Variants in CYFIP1 observed in about 807,000 individuals in gnomAD.
CYFIP1 encodes the protein cytoplasmic FMR1 interacting protein 1.
CYFIP1 carries 58 observed loss-of-function variants against 163.5 expected under a neutral mutation model. The observed-to-expected ratio is 0.35, with a 90% confidence interval of 0.29 to 0.44. The LOEUF is 0.44. Ranked by LOEUF, CYFIP1 falls within the 20% of genes least tolerant of loss-of-function variation. The probability of loss-of-function intolerance (pLI) is 1.00; values close to 1 mark genes in which losing one functional copy is unlikely to be tolerated. For missense variants in CYFIP1, 1,338 were observed against 1,653.8 expected (o/e 0.81, Z 3.31); for synonymous variants, 663 against 660.7 (o/e 1.00, Z -0.05).
At chr15:22,893,342 G>C (rs936711172) in intron 22 of CYFIP1, among the ~76,000 whole-genome samples, 11 of 152,286 alleles carry the variant, frequency 7.2e-5, no homozygotes, top group African/African-American at 1.9e-4. Flanking sequence ...CGGTGGTTCA[G>C]ATCACAAGTT....
intron 22 of CYFIP1, among the ~76,000 whole-genome samples, chr15:22,893,495 C>A (rs995191577): frequency 1.3e-5 from 2 of 152,178 alleles, no homozygotes; most frequent in Non-Finnish European, 2.9e-5. Context: ...CTCAGCTAAG[C>A]CTTTCAAATT....
intron 30 of CYFIP1, among the ~76,000 whole-genome samples, chr15:22,871,869 C>T (rs1485990943): frequency 6.6e-6 from 1 of 152,134 alleles, no homozygotes; most frequent in Non-Finnish European, 1.5e-5. Flanking sequence ...AGACACTGGC[C>T]CCATGAGACT....
chr15:22,870,968 G>A (rs1372172318), intron 30 of CYFIP1, among the ~76,000 whole-genome samples: 1 of 152,032 alleles, frequency 6.6e-6, no homozygotes. Context: ...CTATGCAGGT[G>A]GTAAGGGGGA....
intron 1 of CYFIP1, among the ~76,000 whole-genome samples, chr15:22,972,941 G>C (rs915037957): frequency 6.6e-6 from 1 of 152,074 alleles, no homozygotes; most frequent in Non-Finnish European, 1.5e-5. Context: ...TTTGAGACTA[G>C]CCTGGCCAAC....
rs115092282 is a variant in CYFIP1, at chr15:22,924,878, C to G, written c.1359+1104G>C. Among the ~76,000 whole-genome samples, 1,460 of 152,020 alleles carry G rather than the reference C, an allele frequency of 9.6e-3. 28 individuals are homozygous for G. Among genetic ancestry groups the G allele is most frequent in the African/African-American group, 0.034 (1,396 of 41,438 alleles). On this transcript the variant is annotated intron_variant, in intron 13 of 30. Coordinates refer to ENST00000617928, the MANE Select transcript of CYFIP1 (RefSeq NM_014608.6). ...CTTGAGCTCAGGAGTTTGAGACGAA[C>G]CCGGGCAACTTGGTGACACCCCATC...
intron 30 of CYFIP1, among the ~76,000 whole-genome samples, chr15:22,871,262 A>G (rs951358469): frequency 1.3e-5 from 2 of 152,248 alleles, no homozygotes; most frequent in Admixed American, 6.5e-5. Context: ...TTCAGATACT[A>G]GAAGGAAAAC....
chr15:22,926,327 C>T (rs1191002785), intron 12 of CYFIP1, among the ~76,000 whole-genome samples: 1 of 152,142 alleles, frequency 6.6e-6, no homozygotes, highest in South Asian at 2.1e-4. Context: ...GCAAAATGGC[C>T]TGGATAGTGA....
intron 30 of CYFIP1, among the ~76,000 whole-genome samples, chr15:22,871,008 A>G (rs1300477415): frequency 6.6e-6 from 1 of 152,214 alleles, no homozygotes; most frequent in Non-Finnish European, 1.5e-5. Flanking sequence ...GCAGATGCCA[A>G]CAGCGGCGGT....
At position 22,873,682 on chromosome 15, in the gene CYFIP1, G is replaced by C. The variant is rs1337732400; in HGVS notation, c.3258C>G (p.Leu1086=). 3 of 1,613,960 alleles carry C rather than the reference G, an allele frequency of 1.9e-6. No individual in the cohort carries two copies. The African/African-American group carries it at 4.0e-5, about 22-fold the overall frequency. The change falls in exon 29 of 31, where the codon CTC becomes CTG. Residue 1086 remains leucine (L), a synonymous_variant. Coordinates refer to ENST00000617928, the MANE Select transcript of CYFIP1 (RefSeq NM_014608.6). ...REGDLLTKER[L]CCGLSMFEVI... is the part of the protein sequence containing the mutation. ...CCTCAAACATGGACAGGCCGCAGCA[G>C]AGGCGCTCCTTTGTCAGCAGGTCCC...
intron 22 of CYFIP1, among the ~76,000 whole-genome samples, chr15:22,901,816 G>A (rs1460447978): frequency 2.6e-5 from 4 of 152,200 alleles, no homozygotes; most frequent in South Asian, 2.1e-4. Flanking sequence ...ACTTGGATAC[G>A]CAAAATCCTG....
chr15:22,891,210 A>C (rs1239300003), intron 23 of CYFIP1, among the ~76,000 whole-genome samples: 4 of 152,162 alleles, frequency 2.6e-5, no homozygotes, highest in African/African-American at 9.7e-5. Context: ...AGATCACCTG[A>C]GGTCAGGAGT....
At position 22,947,038 on chromosome 15, in the gene CYFIP1, T is replaced by G. The variant is rs779947938; in HGVS notation, c.172A>C (p.Arg58=). ...DRNAFVTGIA[R]YIEQATVHSS... is the part of the protein sequence containing the mutation. ...TGGACGGTGGCTTGTTCAATGTATC[T>G]TGCGATGCCAGTAACAAATGCATTT... Residue 58 remains arginine, a synonymous_variant, in exon 3 of 31, where the codon AGA becomes CGA. Coordinates refer to ENST00000617928, the MANE Select transcript of CYFIP1 (RefSeq NM_014608.6). 24 of 1,614,032 alleles carry G rather than the reference T, an allele frequency of 1.5e-5. No homozygotes were observed. Among genetic ancestry groups the G allele is most frequent in the Non-Finnish European group, 1.9e-5 (23 of 1,179,988 alleles).
intron 25 of CYFIP1, among the ~76,000 whole-genome samples, chr15:22,881,198 C>T (rs1350466488): frequency 6.6e-6 from 1 of 152,194 alleles, no homozygotes; most frequent in Non-Finnish European, 1.5e-5. Flanking sequence ...GACAGTGCCT[C>T]GTCGGTCACC....
intron 1 of CYFIP1, among the ~76,000 whole-genome samples, chr15:22,954,442 T>C (rs1366805268): frequency 6.6e-6 from 1 of 152,174 alleles, no homozygotes; most frequent in Non-Finnish European, 1.5e-5. Flanking sequence ...GGTATTTTGC[T>C]GATCATGAAA....
intron 15 of CYFIP1, 78 bp from the exon 16 acceptor site, chr15:22,916,708 G>C (rs112478974): frequency 1.2e-6 from 2 of 1,614,110 alleles, no homozygotes; most frequent in African/African-American, 1.3e-5. Context: ...AAAAGCCCAT[G>C]AGAGAAGGAC....
chr15:22,968,297 A>T (rs189245114), intron 1 of CYFIP1, among the ~76,000 whole-genome samples: 37 of 152,310 alleles, frequency 2.4e-4, no homozygotes, highest in African/African-American at 7.7e-4. Context: ...TACTTTTTAG[A>T]TGAGATTAAC....
At chr15:22,957,509 G>A (rs538184044) in intron 1 of CYFIP1, among the ~76,000 whole-genome samples, 134 of 152,234 alleles carry the variant, frequency 8.8e-4, no homozygotes, top group African/African-American at 3.0e-3. Flanking sequence ...GGTGGCGGGC[G>A]CCTGTAGTGC....
In CYFIP1 at chr15:22,941,774, A is replaced by G. The variant is rs1243942371; in HGVS notation, c.569+1399T>C. On this transcript the variant is annotated intron_variant, in intron 6 of 30. Transcript: ENST00000617928. ...GCCCCATCTGTAAACTGTTTTACAG[A>G]CTAGGCTTTAGAATAAAGGTGCTAG... Among the ~76,000 whole-genome samples, 2 of 152,232 alleles carry G rather than the reference A, an allele frequency of 1.3e-5. 1 individual carries two copies. The highest frequency in any genetic ancestry group is 3.9e-4 in the East Asian group (2 of 5,184).
At chr15:22,921,874 G>A (rs1214676378) in intron 13 of CYFIP1, among the ~76,000 whole-genome samples, 2 of 152,052 alleles carry the variant, frequency 1.3e-5, no homozygotes, top group Non-Finnish European at 2.9e-5. Context: ...TACTGTCATA[G>A]GATAGACAGA....
Sources: allele counts gnomAD v4.1 joint callset (sites outside exome capture counted in the v4.1 genomes callset), GRCh38; gene constraint gnomAD v4.1.1; transcripts MANE v1.5; gene names NCBI Gene and HGNC (gene_info 2026-07-23, HGNC 2026-07-21).